NSD2: variants seen among roughly 807,000 people sequenced by gnomAD.
NSD2 encodes the protein nuclear receptor binding SET domain protein 2.
A neutral mutation model predicts 139.0 loss-of-function variants in NSD2; 12 were observed. The observed-to-expected ratio is 0.09, with a 90% CI of 0.06 to 0.14. The LOEUF is 0.14. NSD2 is among the 10% of genes least tolerant of loss of function. The pLI, the probability that NSD2 is intolerant of heterozygous loss-of-function variation, is 1.00. For missense variants in NSD2, 1,155 were observed against 1,745.0 expected (o/e 0.66, Z 6.02); for synonymous variants, 669 against 648.7 (o/e 1.03, Z -0.48).
Position 1,961,103 on chromosome 4 carries a change from C to T in NSD2, c.3324C>T (p.His1108=), listed in dbSNP as rs1407546622. The T allele has an allele frequency of 2.5e-6, 4 of 1,613,434 alleles. No homozygotes were observed. Among genetic ancestry groups the T allele is most frequent in the South Asian group, 1.1e-5 (1 of 91,060 alleles). ...AGGAGTGCATGGCGAGAATCAAGCA[C>T]GCACACGAGAACGACATCACCCACT... ...DEEECMARIK[H]AHENDITHFY... Residue 1108 remains histidine, a synonymous_variant, in exon 18 of 22, where the codon CAC becomes CAT. Coordinates refer to ENST00000508803, the MANE Select transcript of NSD2 (RefSeq NM_001042424.3).
chr4:1,946,640 A>G (rs1449247600), intron 9 of NSD2: 1 of 1,034,208 alleles, frequency 9.7e-7, no homozygotes, highest in East Asian at 6.1e-5. Flanking sequence ...ATTGGTTTTG[A>G]TCCCTTTGGG....
intron 1 of NSD2, among the ~76,000 whole-genome samples, chr4:1,879,053 G>A (rs914437009): frequency 1.3e-5 from 2 of 152,038 alleles, no homozygotes; most frequent in Non-Finnish European, 2.9e-5. Flanking sequence ...AGGAAGCTCT[G>A]ATCTCACCTA....
chr4:1,901,384 C>T, intron 2 of NSD2, 133 bp downstream of exon 2: 1 of 801,520 alleles, frequency 1.2e-6, no homozygotes, highest in Non-Finnish European at 1.9e-6. Context: ...AGCCACTTGC[C>T]TGAGCCCTGG....
chr4:1,959,752 T>C lies in NSD2; in HGVS notation c.3255+12T>C, dbSNP rs1725181587. 1.2e-6 allele frequency: 2 copies of C among 1,608,610 alleles called. No individual in the cohort carries two copies. The highest frequency in any genetic ancestry group is 1.1e-5 in the South Asian group (1 of 91,020). ...GGGACATCAGAAAGGTATGTGTCGT[T>C]ATCCCCTCCCCTGCTTTTGAGAAAT... On this transcript the variant is annotated intron_variant, in intron 17 of 21. Transcript: ENST00000508803.
At chr4:1,872,001 C>A (rs370135802) in intron 1 of NSD2, among the ~76,000 whole-genome samples, 1 of 150,154 alleles carries the variant, frequency 6.7e-6, no homozygotes, top group African/African-American at 2.4e-5. Flanking sequence ...TGTGCGGCGC[C>A]CCCGGTCCGG....
intron 19 of NSD2, 55 bp from the exon 20 acceptor site, chr4:1,975,239 T>G (rs984049106): frequency 2.4e-5 from 37 of 1,566,566 alleles, no homozygotes; most frequent in African/African-American, 4.1e-5. Flanking sequence ...GCCCCTTAGC[T>G]TTTGAAGAGA....
In NSD2 at chr4:1,981,682, C is replaced by T. The variant is rs1727778123; in HGVS notation, c.*2773C>T. 7.6e-6 allele frequency: 3 copies of T among 394,494 alleles called. No homozygotes were observed. Among genetic ancestry groups the T allele is most frequent in the Non-Finnish European group, 8.9e-6 (2 of 224,024 alleles). The allele number at this position is 394,494 out of a possible 1,614,324, so 24.4% of individuals were successfully genotyped here. A position where few individuals can be genotyped will look rare whatever the true frequency, so the allele number is the denominator to read the frequency against. Reference sequence around the variant, plus strand: ...GACACCCGTCCATGGCTGGCTGGGTCCCCTTCGCAGTGTTTGTCTGTCTTG... The same window carrying T: ...GACACCCGTCCATGGCTGGCTGGGTTCCCTTCGCAGTGTTTGTCTGTCTTG... On this transcript the variant is annotated 3_prime_UTR_variant, in exon 22 of 22. Coordinates refer to ENST00000508803, the MANE Select transcript of NSD2 (RefSeq NM_001042424.3).
chr4:1,892,058 A>G (rs763015872), intron 1 of NSD2: 1 of 152,042 alleles, frequency 6.6e-6, no homozygotes, highest in Non-Finnish European at 1.5e-5. Flanking sequence ...TAGCACCTCA[A>G]GAATAAGGAA....
chr4:1,947,257 G>C, intron 9 of NSD2: 1 of 1,063,544 alleles, frequency 9.4e-7, no homozygotes, highest in Non-Finnish European at 1.1e-6. Flanking sequence ...TTTTACCTTT[G>C]ACAAGGGCAG....
intron 10 of NSD2, 100 bp from the exon 11 acceptor site, chr4:1,952,008 A>AT (rs1724316231): frequency 1.3e-6 from 2 of 1,517,640 alleles, no homozygotes; most frequent in Non-Finnish European, 1.8e-6. Flanking sequence ...GCAAAATGGG[A>AT]TTTTCTGCCA....
intron 18 of NSD2, among the ~76,000 whole-genome samples, chr4:1,969,597 C>T (rs1441820049): frequency 1.3e-5 from 2 of 151,612 alleles, no homozygotes; most frequent in African/African-American, 4.8e-5. Context: ...GTCCCAGCTA[C>T]TCAGGAGGCT....
chr4:1,927,147 C>T (rs1190576985), intron 5 of NSD2, among the ~76,000 whole-genome samples: 2 of 152,184 alleles, frequency 1.3e-5, no homozygotes, highest in African/African-American at 4.8e-5. Flanking sequence ...ACCATGTGGC[C>T]CTCTCCACAG....
intron 9 of NSD2, chr4:1,941,619 G>A: frequency 1.9e-6 from 2 of 1,034,340 alleles, no homozygotes; most frequent in Non-Finnish European, 2.3e-6. Flanking sequence ...CATTAAATAT[G>A]TGAAATTAAT....
At chr4:1,944,437 T>C (rs1723412427) in intron 9 of NSD2, 1 of 1,065,174 alleles carries the variant, frequency 9.4e-7, no homozygotes, top group African/African-American at 1.6e-5. Context: ...AATTGCCGGT[T>C]GTTGAGGTGA....
intron 6 of NSD2, among the ~76,000 whole-genome samples, chr4:1,931,239 G>A (rs965293818): frequency 3.3e-5 from 5 of 152,186 alleles, no homozygotes; most frequent in Admixed American, 2.0e-4. Context: ...TCCGGAGTGT[G>A]GGCAGCTCCT....
intron 1 of NSD2, among the ~76,000 whole-genome samples, chr4:1,895,295 T>TC (rs1353837491): frequency 6.6e-6 from 1 of 152,240 alleles, no homozygotes; most frequent in African/African-American, 2.4e-5. Flanking sequence ...AGACTGTTTT[T>TC]CACCCTGTTT....
In NSD2 at chr4:1,948,240, C is replaced by A. The variant is rs1577517938; in HGVS notation, c.1882-2832C>A. On this transcript the variant is annotated intron_variant, in intron 9 of 21. Coordinates refer to ENST00000508803, the MANE Select transcript of NSD2 (RefSeq NM_001042424.3). The surrounding 1 kb of genome is among the most constrained non-coding windows in gnomAD (Gnocchi z 4.5). ...GGACGCGGGAAACAACGGGAAAGTT[C>A]TTGACAGAGTCTGTGTCCGCTCAGT... 1 of 1,064,674 alleles carries A rather than the reference C, an allele frequency of 9.4e-7. No homozygotes were observed. 66.0% of individuals were successfully genotyped at this position (1,064,674 alleles called of 1,614,324 possible).
At chr4:1,873,509 T>C (rs1259121857) in intron 1 of NSD2, among the ~76,000 whole-genome samples, 1 of 152,186 alleles carries the variant, frequency 6.6e-6, no homozygotes, top group East Asian at 1.9e-4. Context: ...CTTGCTGAAG[T>C]GTGCGGACCC....
At chr4:1,927,167 T>C (rs1383738147) in intron 5 of NSD2, among the ~76,000 whole-genome samples, 3 of 152,194 alleles carry the variant, frequency 2.0e-5, no homozygotes, top group Non-Finnish European at 4.4e-5. Flanking sequence ...GGGCTGCTGG[T>C]GTGTCCTCAC....
Sources: gnomAD v4.1 joint callset for allele counts (sites outside exome capture counted in the v4.1 genomes callset) on GRCh38, gnomAD v4.1.1 for gene constraint, Gnocchi (gnomAD v3.1) non-coding constraint, MANE v1.5 for transcripts, NCBI Gene and HGNC (gene_info 2026-07-23, HGNC 2026-07-21) for gene names.